The following LSAMP variants were observed in gnomAD, a reference collection of about 807,000 sequenced individuals.
The protein encoded by LSAMP is limbic system-associated membrane protein.
Under a neutral mutation model 38.6 loss-of-function variants are expected in LSAMP, and 7 were observed. The observed-to-expected ratio is 0.18, with a 90% CI of 0.10 to 0.34. LSAMP has a LOEUF of 0.34. Among genes scored for constraint, LSAMP ranks in the 10% least tolerant of loss-of-function variants. The pLI is 1.00. For missense variants in LSAMP, 313 were observed against 420.0 expected, an observed-to-expected ratio of 0.75 and a Z score of 2.23; for synonymous variants, 154 against 166.8, an observed-to-expected ratio of 0.92 and a Z score of 0.59.
chr3:115,841,352 C>T (rs1039052720), intron 6 of LSAMP, among the ~76,000 whole-genome samples: 1 of 152,218 alleles, frequency 6.6e-6, no homozygotes, highest in Non-Finnish European at 1.5e-5. Flanking sequence ...ATTTATTCCA[C>T]CCTTCCTCTT....
At chr3:116,334,178 T>A (rs1026141336) in intron 1 of LSAMP, among the ~76,000 whole-genome samples, 4 of 152,026 alleles carry the variant, frequency 2.6e-5, no homozygotes, top group Non-Finnish European at 5.9e-5. Context: ...ACACAACACC[T>A]GCCAAGACCA....
chr3:116,098,428 G>A (rs1708272545), intron 1 of LSAMP, among the ~76,000 whole-genome samples: 1 of 152,200 alleles, frequency 6.6e-6, no homozygotes, highest in Non-Finnish European at 1.5e-5. Context: ...GAACCCAGGA[G>A]GCTGTGGTTG....
In LSAMP at chr3:115,911,913, T is replaced by C. The variant is rs148910146; in HGVS notation, c.515-59296A>G. 4.1e-3 allele frequency among the ~76,000 whole-genome samples: 625 copies of C among 152,294 alleles called. 3 individuals are homozygous for C. The highest frequency in any genetic ancestry group is 6.6e-3 in the Non-Finnish European group (449 of 68,014). On this transcript the variant is annotated intron_variant, in intron 3 of 6. Coordinates refer to ENST00000490035, the MANE Select transcript of LSAMP (RefSeq NM_002338.5). ...GGTGATCTCTCATTGTGGCTTTAAT[T>C]TGCATTTCCCTAAACGGCTAGTGAT... is the stretch of plus-strand genomic sequence containing the variant.
intron 3 of LSAMP, among the ~76,000 whole-genome samples, chr3:115,885,293 T>A (rs1936423884): frequency 6.6e-6 from 1 of 151,946 alleles, no homozygotes; most frequent in Non-Finnish European, 1.5e-5. Flanking sequence ...GAAGCTATTT[T>A]GTGTTAAAGA....
chr3:116,018,091 G>A (rs892248943), intron 3 of LSAMP, among the ~76,000 whole-genome samples: 1 of 152,062 alleles, frequency 6.6e-6, no homozygotes, highest in Non-Finnish European at 1.5e-5. Flanking sequence ...TATAAAATAA[G>A]TATGCGAGTC....
intron 1 of LSAMP, among the ~76,000 whole-genome samples, chr3:116,295,656 C>A (rs1559817504): frequency 6.6e-6 from 1 of 152,134 alleles, no homozygotes; most frequent in African/African-American, 2.4e-5. Context: ...AAATCACCAT[C>A]TCATATCAGA....
At chr3:116,316,692 A>T (rs761024637) in intron 1 of LSAMP, among the ~76,000 whole-genome samples, 6 of 148,722 alleles carry the variant, frequency 4.0e-5, no homozygotes, top group African/African-American at 7.4e-5. Context: ...AATCGTTTGA[A>T]CCCGGGAGGC....
chr3:116,208,204 G>C (rs1328054040), intron 1 of LSAMP, among the ~76,000 whole-genome samples: 3 of 152,002 alleles, frequency 2.0e-5, no homozygotes, highest in South Asian at 4.2e-4. Flanking sequence ...AGCTCCTGAG[G>C]CTTCTGCATT....
chr3:116,418,586 C>T (rs1235053244), intron 1 of LSAMP, among the ~76,000 whole-genome samples: 1 of 152,054 alleles, frequency 6.6e-6, no homozygotes, highest in Admixed American at 6.5e-5. Context: ...TCTGGATGAT[C>T]CCCTGCTGCA....
chr3:116,061,620 C>A (rs62271287), intron 2 of LSAMP, among the ~76,000 whole-genome samples: 2,116 of 152,328 alleles, frequency 0.014, 19 homozygotes, highest in Non-Finnish European at 0.023. Flanking sequence ...CTCCAGTATT[C>A]TCCTTCCTTC....
intron 1 of LSAMP, among the ~76,000 whole-genome samples, chr3:116,162,675 GTTCT>G (rs1709923158): frequency 7.2e-6 from 1 of 138,342 alleles, no homozygotes; most frequent in African/African-American, 2.7e-5. Flanking sequence ...CTCTTCACTG[GTTCT>G]CTCTCTCTCT....
intron 3 of LSAMP, among the ~76,000 whole-genome samples, chr3:115,882,124 T>C (rs1210341767): frequency 6.6e-6 from 1 of 152,150 alleles, no homozygotes; most frequent in Admixed American, 6.6e-5. Flanking sequence ...AGAGTTTTCC[T>C]AAGGCAATAT....
intron 1 of LSAMP, among the ~76,000 whole-genome samples, chr3:116,340,843 T>A (rs1359046778): frequency 6.6e-6 from 1 of 152,028 alleles, no homozygotes; most frequent in African/African-American, 2.4e-5. Flanking sequence ...CTTCTCCGTG[T>A]CTAGACTCTC....
At chr3:116,315,044 A>G (rs1308336997) in intron 1 of LSAMP, among the ~76,000 whole-genome samples, 1 of 152,172 alleles carries the variant, frequency 6.6e-6, no homozygotes, top group Non-Finnish European at 1.5e-5. Context: ...TTGCTTCAAT[A>G]CTGTGCTCTG....
At chr3:115,990,631 T>G (rs1394743016) in intron 3 of LSAMP, among the ~76,000 whole-genome samples, 1 of 152,084 alleles carries the variant, frequency 6.6e-6, no homozygotes, top group African/African-American at 2.4e-5. Context: ...GCACCTGAAC[T>G]TCCCAAACTA....
intron 1 of LSAMP, among the ~76,000 whole-genome samples, chr3:116,283,295 A>G: frequency 6.6e-6 from 1 of 152,206 alleles, no homozygotes; most frequent in East Asian, 1.9e-4. Context: ...CATCGGTGCT[A>G]TTTGAAGAAA....
At chr3:116,163,620 T>C (rs1709956285) in intron 1 of LSAMP, among the ~76,000 whole-genome samples, 1 of 152,042 alleles carries the variant, frequency 6.6e-6, no homozygotes, top group Non-Finnish European at 1.5e-5. Context: ...TCAAATGGTA[T>C]TTCTAGTTCT....
intron 1 of LSAMP, among the ~76,000 whole-genome samples, chr3:116,372,837 C>T (rs1319274364): frequency 6.7e-6 from 1 of 148,868 alleles, no homozygotes; most frequent in Non-Finnish European, 1.5e-5. Flanking sequence ...CAGTAGATGC[C>T]ATCTCACACT....
At chr3:115,931,443 G>A (rs1256112876) in intron 3 of LSAMP, among the ~76,000 whole-genome samples, 1 of 152,148 alleles carries the variant, frequency 6.6e-6, no homozygotes, top group African/African-American at 2.4e-5. Flanking sequence ...ACAAAGAGAA[G>A]AATGAAATCA....
Sources: gnomAD v4.1 joint callset for allele counts (sites outside exome capture counted in the v4.1 genomes callset) on GRCh38, gnomAD v4.1.1 for gene constraint, MANE v1.5 for transcripts, NCBI Gene and HGNC (gene_info 2026-07-23, HGNC 2026-07-21) for gene names.